The following FRMPD4 variants were observed in gnomAD, a reference collection of about 807,000 sequenced individuals.
FRMPD4 encodes FERM and PDZ domain containing 4.
Under a neutral mutation model 94.1 loss-of-function variants are expected in FRMPD4, and 22 were observed. The ratio of observed to expected loss-of-function variants is 0.23; its 90% CI spans 0.17 to 0.33. The LOEUF is 0.33. Ranked by LOEUF, FRMPD4 falls within the 10% of genes least tolerant of loss-of-function variation. The pLI, the probability that FRMPD4 is intolerant of heterozygous loss-of-function variation, is 1.00. For synonymous variants in FRMPD4, 631 were observed against 548.6 expected (o/e 1.15, Z -2.10); for missense variants, 1,111 against 1,339.9 (o/e 0.83, Z 2.67).
At chrX:12,039,967 C>CAAA (rs367795862) in intron 3 of FRMPD4, among the ~76,000 whole-genome samples, 1 of 31,998 alleles carries the variant, frequency 3.1e-5, no homozygotes, top group Non-Finnish European at 6.2e-5. Flanking sequence ...AAAACTTTGT[C>CAAA]AAAAAAAAAA....
At chrX:12,331,307 C>A (rs1458526024) in intron 1 of FRMPD4, among the ~76,000 whole-genome samples, 2 of 104,478 alleles carry the variant, frequency 1.9e-5, no homozygotes, top group African/African-American at 3.5e-5. Context: ...AAGGTTAATC[C>A]TCAGAGTGGT....
chrX:12,251,898 C>T (rs58798062), intron 1 of FRMPD4, among the ~76,000 whole-genome samples: 15,560 of 111,188 alleles, frequency 0.14, 1,120 homozygotes, highest in African/African-American at 0.26. Context: ...GCAAAGTGGC[C>T]GACCACTCTG....
intron 1 of FRMPD4, among the ~76,000 whole-genome samples, chrX:12,491,983 G>C (rs2057797197): frequency 8.9e-6 from 1 of 112,113 alleles, no homozygotes; most frequent in Admixed American, 9.5e-5. Context: ...ATGAATCTTA[G>C]CCATTCTACT....
intron 1 of FRMPD4, among the ~76,000 whole-genome samples, chrX:12,331,298 A>G (rs1260097376): frequency 1.9e-5 from 2 of 106,791 alleles, no homozygotes; most frequent in African/African-American, 6.8e-5. Flanking sequence ...AAAGACATTA[A>G]GGTTAATCCT....
chrX:12,553,460 A>ATATATATATATATATATATATATATG (rs769330484), intron 2 of FRMPD4, among the ~76,000 whole-genome samples: 4 of 81,548 alleles, frequency 4.9e-5, no homozygotes, highest in African/African-American at 2.0e-4. Flanking sequence ...ATATATATAT[A>ATATATATATATATATATATATATATG]TATATATCTA....
chrX:12,557,258 G>A (rs2058605404), intron 2 of FRMPD4, among the ~76,000 whole-genome samples: 1 of 70,319 alleles, frequency 1.4e-5, no homozygotes, highest in Non-Finnish European at 2.9e-5. Flanking sequence ...GGAGAGAAGA[G>A]GTAGCAAAGG....
At chrX:12,000,993 G>A (rs1189128079) in intron 3 of FRMPD4, among the ~76,000 whole-genome samples, 6 of 111,988 alleles carry the variant, frequency 5.4e-5, no homozygotes, top group African/African-American at 1.9e-4. Flanking sequence ...TGTCCAGTGT[G>A]AATATTCATG....
intron 3 of FRMPD4, among the ~76,000 whole-genome samples, chrX:11,914,240 C>A (rs1488089840): frequency 9.1e-6 from 1 of 109,324 alleles, no homozygotes; most frequent in African/African-American, 3.3e-5. Flanking sequence ...CAGTGTCCTT[C>A]AATTATGATG....
intron 1 of FRMPD4, among the ~76,000 whole-genome samples, chrX:12,430,188 T>C (rs987668990): frequency 5.3e-5 from 6 of 112,572 alleles, no homozygotes; most frequent in Admixed American, 1.9e-4. Context: ...GTTGTTCTTA[T>C]ATGATCTTGT....
chrX:12,148,015 T>C (rs1201904744), intron 1 of FRMPD4, among the ~76,000 whole-genome samples: 1 of 111,910 alleles, frequency 8.9e-6, no homozygotes, highest in Non-Finnish European at 1.9e-5. Flanking sequence ...TCTCTCCCTT[T>C]CCTCAGGCTC....
intron 2 of FRMPD4, among the ~76,000 whole-genome samples, chrX:12,533,029 C>A (rs2058300614): frequency 8.9e-6 from 1 of 112,112 alleles, no homozygotes; most frequent in African/African-American, 3.2e-5. Flanking sequence ...CATGGCCTTG[C>A]TAGACTATCA....
intron 4 of FRMPD4, among the ~76,000 whole-genome samples, chrX:12,648,226 C>G (rs1030825213): frequency 1.8e-5 from 2 of 111,438 alleles, no homozygotes; most frequent in East Asian, 5.6e-4. Context: ...TCCAGTCTTC[C>G]TTCGTAGACT....
intron 3 of FRMPD4, among the ~76,000 whole-genome samples, chrX:12,025,990 G>A (rs2054659244): frequency 1.8e-5 from 2 of 111,626 alleles, no homozygotes. Context: ...TTGTTACATA[G>A]TATTAGATAA....
At chrX:11,932,713 C>T (rs2054128713) in intron 3 of FRMPD4, among the ~76,000 whole-genome samples, 1 of 108,637 alleles carries the variant, frequency 9.2e-6, no homozygotes, top group South Asian at 4.0e-4. Flanking sequence ...AAGATTTGAA[C>T]TTGAATGTCT....
chrX:12,355,182 C>CT (rs546045763), intron 1 of FRMPD4, among the ~76,000 whole-genome samples: 20,129 of 101,869 alleles, frequency 0.2, 1,718 homozygotes, highest in Non-Finnish European at 0.25. Context: ...GAGATGCTAC[C>CT]TTTTTTTTTT....
chrX:12,242,545 T>G (rs2053892819), intron 1 of FRMPD4, among the ~76,000 whole-genome samples: 1 of 112,366 alleles, frequency 8.9e-6, no homozygotes, highest in Non-Finnish European at 1.9e-5. Context: ...TGCCAAACTA[T>G]TTAACATTTA....
At chrX:11,979,044 A>C (rs2054383704) in intron 3 of FRMPD4, among the ~76,000 whole-genome samples, 1 of 111,641 alleles carries the variant, frequency 9.0e-6, no homozygotes, top group African/African-American at 3.3e-5. Context: ...AAGGAAAAGT[A>C]AAGTAAAAAC....
At chrX:12,145,983 T>A (rs1284170136) in intron 1 of FRMPD4, among the ~76,000 whole-genome samples, 1 of 112,102 alleles carries the variant, frequency 8.9e-6, no homozygotes, top group African/African-American at 3.2e-5. Context: ...CCCTGTCCCC[T>A]CCGTCTACAT....
intron 1 of FRMPD4, among the ~76,000 whole-genome samples, chrX:12,449,341 A>G (rs1290752371): frequency 1.8e-5 from 2 of 112,103 alleles, no homozygotes; most frequent in African/African-American, 3.2e-5. Flanking sequence ...ACTACCCTAT[A>G]TCTCAATATT....
Sources: gnomAD v4.1 joint callset for allele counts (sites outside exome capture counted in the v4.1 genomes callset) on GRCh38, gnomAD v4.1.1 for gene constraint, MANE v1.5 for transcripts, NCBI Gene and HGNC (gene_info 2026-07-23, HGNC 2026-07-21) for gene names.